TTN: variants seen among roughly 807,000 people sequenced by gnomAD.
TTN encodes the protein titin, also known as connectin.
In TTN, 1,525 loss-of-function variants were observed where a neutral mutation model predicts 3,223.0. That is an observed-to-expected ratio of 0.47 (90% CI 0.45 to 0.49). The LOEUF is 0.49. Ranked by LOEUF, TTN falls within the 20% of genes least tolerant of loss-of-function variation. The pLI is 0.00. For synonymous variants in TTN, 14,094 were observed against 15,161.0 expected, an observed-to-expected ratio of 0.93 and a Z score of 5.17; for missense variants, 40,786 against 43,424.0, an observed-to-expected ratio of 0.94 and a Z score of 5.40.
Position 178,730,687 on chromosome 2 carries a change from C to T in TTN, c.17846G>A (p.Ser5949Asn), listed in dbSNP as rs1578154475. The stretch of plus-strand genomic sequence containing the variant: ...TTGGTCATCTTTGAACCACTGGATG[C>T]TTATGGGATGTGACCCAGCCACTAT... ...ECIVAGSHPI[S>N]IQWFKDDQEI... Residue 5949 changes from serine to asparagine, a missense_variant, in exon 61 of 363, where the codon AGC becomes AAC. Coordinates refer to ENST00000589042, the MANE Select transcript of TTN (RefSeq NM_001267550.2). 1.2e-6 allele frequency: 2 copies of T among 1,613,622 alleles called. No individual in the cohort carries two copies. The highest frequency in any genetic ancestry group is 8.5e-7 in the Non-Finnish European group (1 of 1,179,692).
Position 178,587,352 on chromosome 2 carries a change from A to G in TTN, c.63859T>C (p.Trp21287Arg). Residue 21287 changes from tryptophan (W) to arginine (R), a missense_variant, in exon 307 of 363, where the codon TGG (tryptophan) becomes CGG (arginine). Coordinates refer to ENST00000589042, the MANE Select transcript of TTN (RefSeq NM_001267550.2). ...CCACCGTCGTTTTCAGGAGGGGCCC[A>G]GGACACATGGCATGATGTTTTAGTG... ...DVTKTSCHVS[W>R]APPENDGGSQ... 1 of 1,611,408 alleles carries G rather than the reference A, an allele frequency of 6.2e-7. No homozygotes were observed. Among genetic ancestry groups the G allele is most frequent in the Non-Finnish European group, 8.5e-7 (1 of 1,178,782 alleles).
At position 178,559,812 on chromosome 2, in the gene TTN, T is replaced by C; in HGVS notation, c.86320A>G (p.Met28774Val). ...GGTCTTCCTCGGAAAGGCACAGTCA[T>C]GGTAAATGAGGCACCAGCCTTGACA... The part of the protein sequence containing the change: ...LIVKAGASFT[M>V]TVPFRGRPVP... Residue 28774 changes from methionine (M) to valine (V), a missense_variant, in exon 326 of 363, where the codon ATG becomes GTG. By Grantham distance (21) the Met-to-Val change is conservative. Coordinates refer to ENST00000589042, the MANE Select transcript of TTN (RefSeq NM_001267550.2). The C allele has an allele frequency of 1.2e-6, 2 of 1,610,338 alleles. No individual in the cohort carries two copies. Among genetic ancestry groups the C allele is most frequent in the South Asian group, 1.1e-5 (1 of 90,848 alleles).
At chr2:178,641,972 A>G (rs1444561542) in intron 219 of TTN, among the ~76,000 whole-genome samples, 1 of 151,826 alleles carries the variant, frequency 6.6e-6, no homozygotes, top group Admixed American at 6.6e-5. Context: ...AGTTGTTGTT[A>G]GTTTAGAATA....
intron 162 of TTN, 130 bp downstream of exon 162, chr2:178,667,106 G>A: frequency 1.0e-6 from 1 of 964,182 alleles, no homozygotes; most frequent in Non-Finnish European, 1.5e-6. Flanking sequence ...TTTGTTGTGG[G>A]TATATCAGAT....
intron 208 of TTN, 88 bp from the exon 209 acceptor site, chr2:178,650,922 AC>A: frequency 7.4e-7 from 1 of 1,349,930 alleles, no homozygotes; most frequent in Non-Finnish European, 1.0e-6. Context: ...TGCTCAAATA[AC>A]CCAGGGACAG....
chr2:178,738,928 T>C (rs924668642), intron 48 of TTN, among the ~76,000 whole-genome samples: 1 of 152,156 alleles, frequency 6.6e-6, no homozygotes, highest in African/African-American at 2.4e-5. Context: ...ATTTTTAAAA[T>C]AAATAGTACC....
chr2:178,769,052 T>G lies in TTN; in HGVS notation c.8903-119A>C, dbSNP rs967371149. On this transcript the variant is annotated intron_variant, in intron 37 of 362. Coordinates refer to ENST00000589042, the MANE Select transcript of TTN (RefSeq NM_001267550.2). ...AGTGCGTCTGTTGAGGAGATTACAG[T>G]TTAGAGATATAAGCTTTGATACCTT... 6.1e-6 allele frequency: 7 copies of G among 1,145,192 alleles called. No individual in the cohort carries two copies. In the East Asian group the frequency reaches 1.8e-4, roughly 29 times the overall value. The allele number at this position is 1,145,192 out of a possible 1,614,324, so 70.9% of individuals were successfully genotyped here. A position where few individuals can be genotyped will look rare whatever the true frequency, so the allele number is the denominator to read the frequency against.
At chr2:178,639,618 G>T in intron 223 of TTN, 81 bp downstream of exon 223, 1 of 1,405,270 alleles carries the variant, frequency 7.1e-7, no homozygotes, top group Non-Finnish European at 9.9e-7. Flanking sequence ...GCATAAACAG[G>T]GCTTGAATTT....
Position 178,719,716 on chromosome 2 carries a change from C to T in TTN, c.23776G>A (p.Gly7926Arg), listed in dbSNP as rs1462977201. The change falls in exon 82 of 363, where the codon GGA becomes AGA. Residue 7926 changes from glycine to arginine, a missense_variant. Coordinates refer to ENST00000589042, the MANE Select transcript of TTN (RefSeq NM_001267550.2). The part of the protein sequence containing the change: ...PELSAKWFKD[G>R]RELSADSKHH... ...TTGCTGTCTGCAGACAATTCTCTTC[C>T]ATCTTTGAACCACTTGGCTGAGAGT... The T allele has an allele frequency of 6.2e-7, 1 of 1,613,702 alleles. No homozygotes were observed. The highest frequency in any genetic ancestry group is 1.3e-5 in the African/African-American group (1 of 75,008).
At chr2:178,752,741 GA>G (rs2085889481) in intron 47 of TTN, among the ~76,000 whole-genome samples, 1 of 152,024 alleles carries the variant, frequency 6.6e-6, no homozygotes, top group South Asian at 2.1e-4. Flanking sequence ...ATTGCATTCT[GA>G]GAATGACAGC....
In TTN at chr2:178,722,846, T is replaced by C. The variant is rs2078647480; in HGVS notation, c.22053A>G (p.Glu7351=). 6.2e-7 allele frequency: 1 copy of C among 1,613,178 alleles called. No individual in the cohort carries two copies. Among genetic ancestry groups the C allele is most frequent in the Non-Finnish European group, 8.5e-7 (1 of 1,179,526 alleles). ...SLQCQVAGTP[E]ITVSWYKGDT... ...CTCCTTTGTACCAAGACACTGTAAT[T>C]TCTGGTGTCCCAGCAACTTGGCATT... Residue 7351 remains glutamate (E), a synonymous_variant, in exon 76 of 363, where the codon GAA becomes GAG. Coordinates refer to ENST00000589042, the MANE Select transcript of TTN (RefSeq NM_001267550.2).
Position 178,664,005 on chromosome 2 carries a change from T to C in TTN, c.36364+10A>G. The C allele has an allele frequency of 1.2e-6, 2 of 1,613,168 alleles. No homozygotes were observed. The highest frequency in any genetic ancestry group is 1.7e-6 in the Non-Finnish European group (2 of 1,179,656). ...TAGGTCTTCTGAAGCCTAAAGTCAG[T>C]GACAAATACCTTTAACAGGTGGGAC... On this transcript the variant is annotated intron_variant, in intron 169 of 362. Coordinates refer to ENST00000589042, the MANE Select transcript of TTN (RefSeq NM_001267550.2).
rs377188703 is a variant in TTN at position 178,579,021 on chromosome 2, T to C, written c.68009A>G (p.Asp22670Gly). 1 of 1,613,124 alleles carries C rather than the reference T, an allele frequency of 6.2e-7. No individual in the cohort carries two copies. Among genetic ancestry groups the C allele is most frequent in the Non-Finnish European group, 8.5e-7 (1 of 1,179,520 alleles). Residue 22670 changes from aspartate (D) to glycine (G), a missense_variant, in exon 320 of 363, where the codon GAT becomes GGT. Coordinates refer to ENST00000589042, the MANE Select transcript of TTN (RefSeq NM_001267550.2). The part of the protein sequence containing the change: ...AMTLKWAPPK[D>G]DGGSEITNYI... ...GTTGGTGATTTCAGAACCTCCATCA[T>C]CCTTTGGAGGAGCCCACTTTAAGGT...
chr2:178,756,664 T>C lies in TTN; in HGVS notation c.10812A>G (p.Ser3604=), dbSNP rs1474829334. 6.2e-7 allele frequency: 1 copy of C among 1,613,766 alleles called. No homozygotes were observed. The highest frequency in any genetic ancestry group is 8.5e-7 in the Non-Finnish European group (1 of 1,179,824). Residue 3604 remains serine, a synonymous_variant, in exon 46 of 363, where the codon TCA becomes TCG. Transcript: ENST00000589042. ...SQKEIKSFQG[S]SYEYEVQVFE... ...AAACCTGCACTTCATATTCATATGA[T>C]GATCCTTGAAATGACTTAATTTCCT...
At chr2:178,749,685 C>T (rs559882319) in intron 47 of TTN, 2 of 1,612,928 alleles carry the variant, frequency 1.2e-6, no homozygotes, top group East Asian at 2.2e-5. Flanking sequence ...CTTTCAACTG[C>T]CCCTGAATTG....
In TTN at chr2:178,632,508, T is replaced by C; in HGVS notation, c.43480+18A>G. The C allele has an allele frequency of 6.2e-7, 1 of 1,608,928 alleles. No homozygotes were observed. The highest frequency in any genetic ancestry group is 8.5e-7 in the Non-Finnish European group (1 of 1,178,584). On this transcript the variant is annotated intron_variant, in intron 235 of 362. Coordinates refer to ENST00000589042, the MANE Select transcript of TTN (RefSeq NM_001267550.2). ...AAAAAAATGATTTTGGGGTGGACTA[T>C]TTGATAAAACTATTTACCTTCAATG...
At chr2:178,763,970 TAAAC>T (rs1463932729) in intron 43 of TTN, among the ~76,000 whole-genome samples, 1 of 152,108 alleles carries the variant, frequency 6.6e-6, no homozygotes, top group Non-Finnish European at 1.5e-5. Flanking sequence ...TAACATAACA[TAAAC>T]AACCATTATT....
Position 178,532,860 on chromosome 2 carries a change from G to C in TTN, c.103755C>G (p.Asp34585Glu). ...RDQYEMPGKL[D>E]RVVQKRPKRI... ...GCTTGGGTCGTTTCTGTACAACTCT[G>C]TCAAGTTTCCCAGGCATTTCATACT... The change falls in exon 358 of 363, where the codon GAC becomes GAG. Residue 34585 changes from aspartate (D) to glutamate (E), a missense_variant. Physicochemically the swap from Asp to Glu is conservative, Grantham distance 45. Transcript: ENST00000589042. 2 of 1,613,936 alleles carry C rather than the reference G, an allele frequency of 1.2e-6. No homozygotes were observed. The highest frequency in any genetic ancestry group is 2.2e-5 in the South Asian group (2 of 91,076).
At position 178,719,240 on chromosome 2, in the gene TTN, G is replaced by A. The variant is rs185062935; in HGVS notation, c.24150C>T (p.Ser8050=). 2.2e-3 allele frequency: 3,520 copies of A among 1,613,662 alleles called. 53 individuals are homozygous for A. The highest frequency in any genetic ancestry group is 0.021 in the South Asian group (1,930 of 91,074). ...CTLNLSLLEP[S]DTGIYTCVAA... ...CCACACACGTGTATATGCCTGTGTC[G>A]GAGGGCTCCAACAAGCTCAGATTCA... The change falls in exon 83 of 363, where the codon TCC becomes TCT. Residue 8050 remains serine (S), a synonymous_variant. Transcript: ENST00000589042.
Sources: gnomAD v4.1 joint callset for allele counts (sites outside exome capture counted in the v4.1 genomes callset) on GRCh38, gnomAD v4.1.1 for gene constraint, MANE v1.5 for transcripts, NCBI Gene and HGNC (gene_info 2026-07-23, HGNC 2026-07-21) for gene names.